The following NOX4 variants were observed in gnomAD, a reference collection of about 807,000 sequenced individuals.
NOX4 encodes NADPH oxidase 4, also known as kidney oxidase-1.
Under a neutral mutation model 87.6 loss-of-function variants are expected in NOX4, and 69 were observed. The observed-to-expected ratio is 0.79, with a 90% CI of 0.65 to 0.96. The LOEUF (loss-of-function observed/expected upper bound fraction) is 0.96. Among genes scored for constraint, NOX4 ranks in the 40% least tolerant of loss-of-function variants. The pLI, the probability that NOX4 is intolerant of heterozygous loss-of-function variation, is 0.00. For missense variants in NOX4, 680 were observed against 681.5 expected (o/e 1.00, Z 0.02); for synonymous variants, 275 against 238.2 (o/e 1.15, Z -1.42).
intron 2 of NOX4, among the ~76,000 whole-genome samples, chr11:89,467,925 T>C (rs917131077): frequency 6.6e-6 from 1 of 152,208 alleles, no homozygotes; most frequent in Non-Finnish European, 1.5e-5. Flanking sequence ...CAGTAAAATT[T>C]TGTTAGTGAC....
At chr11:89,394,283 T>A (rs1308494487) in intron 11 of NOX4, among the ~76,000 whole-genome samples, 1 of 152,068 alleles carries the variant, frequency 6.6e-6, no homozygotes, top group Non-Finnish European at 1.5e-5. Context: ...AACCTCTATA[T>A]TTTTTATGAA....
chr11:89,391,955 T>TTCCCCTTC (rs1555011503), intron 11 of NOX4, among the ~76,000 whole-genome samples: 16 of 143,722 alleles, frequency 1.1e-4, no homozygotes, highest in Middle Eastern at 3.4e-3. Flanking sequence ...CCCCTTCTCC[T>TTCCCCTTC]TCCTTCCTTC....
At chr11:89,540,940 A>C in the NOX4 span, among the ~76,000 whole-genome samples, 20 of 151,828 alleles carry the variant, frequency 1.3e-4, no homozygotes, top group Non-Finnish European at 2.8e-4. Flanking sequence ...TCCAAAAGGT[A>C]AACTCTTAAG....
chr11:89,417,825 A>G (rs1471117027), intron 8 of NOX4, among the ~76,000 whole-genome samples: 1 of 152,092 alleles, frequency 6.6e-6, no homozygotes, highest in African/African-American at 2.4e-5. Flanking sequence ...AGACAACACT[A>G]TGATATAAGT....
At chr11:89,428,540 A>T (rs1202974650) in intron 7 of NOX4, among the ~76,000 whole-genome samples, 1 of 152,008 alleles carries the variant, frequency 6.6e-6, no homozygotes, top group East Asian at 1.9e-4. Flanking sequence ...CAAATGGAAA[A>T]CAAAAAAAGG....
the NOX4 span, among the ~76,000 whole-genome samples, chr11:89,512,579 C>T: frequency 6.6e-6 from 1 of 152,048 alleles, no homozygotes; most frequent in Admixed American, 6.6e-5. Context: ...CTAGGCTTAT[C>T]CAGGTTGTCA....
the NOX4 span, among the ~76,000 whole-genome samples, chr11:89,583,266 G>T: frequency 6.6e-6 from 1 of 151,874 alleles, no homozygotes; most frequent in Admixed American, 6.6e-5. Flanking sequence ...AAAAAGCGTT[G>T]TCCTCAGCAC....
At chr11:89,378,575 C>T (rs1049340144) in intron 11 of NOX4, among the ~76,000 whole-genome samples, 1 of 151,886 alleles carries the variant, frequency 6.6e-6, no homozygotes, top group African/African-American at 2.4e-5. Flanking sequence ...TCCACAGCAC[C>T]TTACACATAG....
At chr11:89,365,812 T>C (rs1421334285) in intron 12 of NOX4, among the ~76,000 whole-genome samples, 1 of 135,478 alleles carries the variant, frequency 7.4e-6, no homozygotes, top group African/African-American at 2.8e-5. Flanking sequence ...GAAGTTCAAA[T>C]CTAAAGAACC....
In NOX4 at chr11:89,325,230, T is replaced by C. The variant is rs565908758; in HGVS notation, c.*1526A>G. The C allele has an allele frequency of 6.7e-6, 1 of 148,438 alleles. No homozygotes were observed. Among genetic ancestry groups the C allele is most frequent in the Non-Finnish European group, 1.5e-5 (1 of 67,578 alleles). 9.2% of individuals were successfully genotyped at this position (148,438 alleles called of 1,614,324 possible). On this transcript the variant is annotated 3_prime_UTR_variant, in exon 18 of 18. Coordinates refer to ENST00000263317, the MANE Select transcript of NOX4 (RefSeq NM_016931.5). The stretch of plus-strand genomic sequence containing the variant: ...ACCTCCGCCCACCGGGTTCAAGCGA[T>C]TCTTTGCCTCAGTCTCCCGAGTAGT...
At chr11:89,405,115 T>TGTGTGTG (rs58137988) in intron 8 of NOX4, among the ~76,000 whole-genome samples, 6 of 150,012 alleles carry the variant, frequency 4.0e-5, no homozygotes, top group East Asian at 2.0e-4. Flanking sequence ...TGTGTGTGTG[T>TGTGTGTG]TGGAATGGGG....
intron 2 of NOX4, among the ~76,000 whole-genome samples, chr11:89,453,389 T>C (rs1226265309): frequency 2.0e-5 from 3 of 152,210 alleles, no homozygotes; most frequent in South Asian, 2.1e-4. Flanking sequence ...TTAAATAAGA[T>C]AGTGCCTTGA....
chr11:89,493,818 C>T (rs1946918664), upstream of NOX4, among the ~76,000 whole-genome samples: 2 of 151,420 alleles, frequency 1.3e-5, 1 homozygote, highest in South Asian at 4.1e-4. Flanking sequence ...GTCGTAATCT[C>T]GGCTGACTGT....
At chr11:89,519,640 C>T in the NOX4 span, among the ~76,000 whole-genome samples, 1 of 151,944 alleles carries the variant, frequency 6.6e-6, no homozygotes, top group Non-Finnish European at 1.5e-5. Flanking sequence ...AAGAAGAGAT[C>T]AATGAAGCCA....
intron 2 of NOX4, among the ~76,000 whole-genome samples, chr11:89,453,009 A>T (rs182929901): frequency 6.6e-6 from 1 of 151,840 alleles, no homozygotes; most frequent in Admixed American, 6.6e-5. Context: ...ATGCCACTGG[A>T]GTACAGCCTG....
At chr11:89,379,803 C>A (rs1940140262) in intron 11 of NOX4, among the ~76,000 whole-genome samples, 1 of 152,034 alleles carries the variant, frequency 6.6e-6, no homozygotes, top group African/African-American at 2.4e-5. Flanking sequence ...AGAATATGAC[C>A]ACTTCTCACC....
intron 17 of NOX4, among the ~76,000 whole-genome samples, chr11:89,328,748 T>TTTAAAGGAGGCAATTTAAGTTAAAA (rs1175857527): frequency 2.0e-5 from 3 of 152,032 alleles, no homozygotes; most frequent in Non-Finnish European, 4.4e-5. Flanking sequence ...GAGATAAGGC[T>TTTAAAGGAGGCAATTTAAGTTAAAA]TTAAAGGAGG....
intron 2 of NOX4, among the ~76,000 whole-genome samples, chr11:89,456,646 G>A (rs1470529743): frequency 6.6e-6 from 1 of 152,168 alleles, no homozygotes; most frequent in Non-Finnish European, 1.5e-5. Flanking sequence ...CTAAACAGGT[G>A]AGGAGTGCTC....
the NOX4 span, among the ~76,000 whole-genome samples, chr11:89,540,387 T>C: frequency 1.3e-5 from 2 of 152,044 alleles, no homozygotes; most frequent in African/African-American, 4.8e-5. Context: ...CTAAGTAGTT[T>C]TTCAGCATGT....
Sources: gnomAD v4.1 joint callset for allele counts (sites outside exome capture counted in the v4.1 genomes callset) on GRCh38, gnomAD v4.1.1 for gene constraint, MANE v1.5 for transcripts, NCBI Gene and HGNC (gene_info 2026-07-23, HGNC 2026-07-21) for gene names.